ATF6: variants seen among roughly 807,000 people sequenced by gnomAD.
ATF6 encodes the protein activating transcription factor 6.
ATF6 carries 53 observed loss-of-function variants against 83.6 expected under a neutral mutation model. That is an observed-to-expected ratio of 0.63 (90% CI 0.51 to 0.80). The LOEUF (loss-of-function observed/expected upper bound fraction) is 0.80. ATF6 is among the 30% of genes least tolerant of loss of function. The probability of loss-of-function intolerance (pLI) is 0.00; values close to 1 mark genes in which losing one functional copy is unlikely to be tolerated. For synonymous variants in ATF6, 288 were observed against 285.8 expected (o/e 1.01, Z -0.08); for missense variants, 744 against 797.9 (o/e 0.93, Z 0.81).
intron 7 of ATF6, among the ~76,000 whole-genome samples, chr1:161,810,185 G>T (rs1394751929): frequency 1.3e-5 from 2 of 152,160 alleles, no homozygotes; most frequent in Non-Finnish European, 2.9e-5. Flanking sequence ...GAAACTGAGT[G>T]ATTTATAAAG....
intron 1 of ATF6, among the ~76,000 whole-genome samples, chr1:161,773,076 C>T (rs992862825): frequency 6.6e-6 from 1 of 151,412 alleles, no homozygotes; most frequent in Non-Finnish European, 1.5e-5. Flanking sequence ...CAAGCGATTC[C>T]CGCCTCAGCT....
rs1395186203 is a variant in ATF6, at chr1:161,963,006, C to T, written c.*4352C>T. 2.0e-5 allele frequency: 3 copies of T among 152,060 alleles called. No individual in the cohort carries two copies. The highest frequency in any genetic ancestry group is 7.2e-5 in the African/African-American group (3 of 41,396). The allele number at this position is 152,060 out of a possible 1,614,324, so 9.4% of individuals were successfully genotyped here. On this transcript the variant is annotated 3_prime_UTR_variant, in exon 16 of 16. Transcript: ENST00000367942. ...AATGAAATATAAGAAATGTTCGTTC[C>T]CACCCCTAATAACATTTGGAAGTGA...
chr1:161,811,534 T>A (rs1244340428), intron 7 of ATF6, among the ~76,000 whole-genome samples: 6 of 152,206 alleles, frequency 3.9e-5, no homozygotes, highest in Admixed American at 3.9e-4. Context: ...AACTTTATAT[T>A]TAGTTATAAT....
chr1:161,895,863 A>T (rs1267020501), intron 14 of ATF6, among the ~76,000 whole-genome samples: 1 of 152,208 alleles, frequency 6.6e-6, no homozygotes, highest in East Asian at 1.9e-4. Context: ...TATGAGTAGG[A>T]GGGAATTCTA....
chr1:161,873,706 A>C (rs1426771722), intron 14 of ATF6, among the ~76,000 whole-genome samples: 1 of 151,612 alleles, frequency 6.6e-6, no homozygotes, highest in Admixed American at 6.6e-5. Flanking sequence ...TGGGCATCAC[A>C]CTGGAAGCCT....
At chr1:161,952,497 T>C (rs1688885107) in intron 15 of ATF6, among the ~76,000 whole-genome samples, 1 of 152,098 alleles carries the variant, frequency 6.6e-6, no homozygotes, top group Non-Finnish European at 1.5e-5. Flanking sequence ...ATAACTTATT[T>C]TCTTTATTTT....
At chr1:161,916,691 T>G (rs1688109024) in intron 15 of ATF6, among the ~76,000 whole-genome samples, 1 of 152,180 alleles carries the variant, frequency 6.6e-6, no homozygotes, top group Admixed American at 6.5e-5. Flanking sequence ...CTAGAAAAGC[T>G]CCTATCCTTT....
chr1:161,946,699 T>C (rs762963985), intron 15 of ATF6, among the ~76,000 whole-genome samples: 8 of 152,202 alleles, frequency 5.3e-5, no homozygotes, highest in Non-Finnish European at 1.0e-4. Context: ...GAATGTGATA[T>C]TTACTCAATT....
At chr1:161,808,392 C>T (rs1685355797) in intron 7 of ATF6, among the ~76,000 whole-genome samples, 1 of 152,016 alleles carries the variant, frequency 6.6e-6, no homozygotes, top group South Asian at 2.1e-4. Context: ...GTTTTGTGTG[C>T]ATTCTTCTGG....
intron 9 of ATF6, among the ~76,000 whole-genome samples, chr1:161,832,073 A>G (rs1686078240): frequency 6.6e-6 from 1 of 152,170 alleles, no homozygotes; most frequent in Admixed American, 6.6e-5. Context: ...AAGAGTTAGA[A>G]AAAATAAACT....
At chr1:161,889,511 A>G (rs1687504529) in intron 14 of ATF6, among the ~76,000 whole-genome samples, 1 of 152,216 alleles carries the variant, frequency 6.6e-6, no homozygotes, top group South Asian at 2.1e-4. Flanking sequence ...CTTTCTTCTG[A>G]GTTCTAAATC....
At chr1:161,798,137 T>C (rs1685063968) in intron 6 of ATF6, among the ~76,000 whole-genome samples, 1 of 152,166 alleles carries the variant, frequency 6.6e-6, no homozygotes, top group Non-Finnish European at 1.5e-5. Flanking sequence ...GATCCTTTCC[T>C]TTCAGTGTAT....
At chr1:161,938,819 G>A (rs1478082081) in intron 15 of ATF6, among the ~76,000 whole-genome samples, 1 of 152,174 alleles carries the variant, frequency 6.6e-6, no homozygotes, top group Non-Finnish European at 1.5e-5. Context: ...TCTTCATACT[G>A]TATTTCAGAT....
intron 14 of ATF6, among the ~76,000 whole-genome samples, chr1:161,909,979 G>A (rs1277227318): frequency 6.6e-6 from 1 of 151,904 alleles, no homozygotes; most frequent in African/African-American, 2.4e-5. Flanking sequence ...GACAGTAAGA[G>A]GCCAGTAAAT....
intron 1 of ATF6, 69 bp downstream of exon 1, chr1:161,766,511 C>T: frequency 6.7e-7 from 1 of 1,494,634 alleles, no homozygotes; most frequent in Middle Eastern, 1.9e-4. Context: ...CTCCCTACTT[C>T]CGCCCACTCG....
chr1:161,807,863 ATCTTTTTTTTTTTTTTTT>A (rs1381359998), intron 7 of ATF6, among the ~76,000 whole-genome samples: 3 of 54,788 alleles, frequency 5.5e-5, no homozygotes, highest in Admixed American at 3.0e-4. Flanking sequence ...TTAGTTTGTC[ATCTTTTTTTTTTTTTTTT>A]TTTTTTTTTT....
In ATF6 at chr1:161,846,537, G is replaced by T. The variant is rs756079770; in HGVS notation, c.1276G>T (p.Ala426Ser). Residue 426 changes from alanine (A) to serine (S), a missense_variant, in exon 10 of 16, where the codon GCA (alanine) becomes TCA (serine). Physicochemically the swap from Ala to Ser is moderately conservative, Grantham distance 99. Transcript: ENST00000367942. The stretch of plus-strand genomic sequence containing the variant: ...CCTTCTAGGATTTTCTGCTAAAGAG[G>T]CACAGGACACATCAGATGGTATTAT... ...RHLLGFSAKE[A>S]QDTSDGIIQK... is the part of the protein sequence containing the mutation. The T allele has an allele frequency of 2.5e-6, 4 of 1,611,402 alleles. No homozygotes were observed. The South Asian group carries it at 3.3e-5, about 13-fold the overall frequency.
At chr1:161,798,497 A>T (rs906599799) in intron 6 of ATF6, among the ~76,000 whole-genome samples, 2 of 152,194 alleles carry the variant, frequency 1.3e-5, no homozygotes, top group African/African-American at 2.4e-5. Context: ...TTGTAATCCC[A>T]GTTACTTGGG....
intron 10 of ATF6, among the ~76,000 whole-genome samples, chr1:161,851,257 C>CACACAT (rs1686619315): frequency 1.9e-5 from 1 of 51,300 alleles, no homozygotes; most frequent in Admixed American, 2.0e-4. Flanking sequence ...CACACACACA[C>CACACAT]ACACACACAC....
Sources: gnomAD v4.1 joint callset for allele counts (sites outside exome capture counted in the v4.1 genomes callset) on GRCh38, gnomAD v4.1.1 for gene constraint, MANE v1.5 for transcripts, NCBI Gene and HGNC (gene_info 2026-07-23, HGNC 2026-07-21) for gene names.